GRIP1: variants seen among roughly 807,000 people sequenced by gnomAD.
GRIP1 encodes the protein glutamate receptor-interacting protein 1.
GRIP1 carries 45 observed loss-of-function variants against 129.9 expected under a neutral mutation model. The observed-to-expected ratio is 0.35, with a 90% CI of 0.27 to 0.44. The LOEUF (loss-of-function observed/expected upper bound fraction) is 0.44. Ranked by LOEUF, GRIP1 falls within the 20% of genes least tolerant of loss-of-function variation. GRIP1 has a pLI of 1.00. For missense variants in GRIP1, 1,196 were observed against 1,396.8 expected (o/e 0.86, Z 2.29); for synonymous variants, 530 against 520.8 (o/e 1.02, Z -0.24).
chr12:66,692,097 A>G (rs990849813), intron 1 of GRIP1, among the ~76,000 whole-genome samples: 3 of 152,126 alleles, frequency 2.0e-5, no homozygotes, highest in African/African-American at 7.2e-5. Context: ...TCCATTATCA[A>G]TCTCTCAGCA....
At position 66,539,081 on chromosome 12, in the gene GRIP1, C is replaced by T. The variant is rs772475563; in HGVS notation, c.415G>A (p.Val139Ile). The change falls in exon 4 of 25, where the codon GTC (valine) becomes ATC (isoleucine). Residue 139 changes from valine (V) to isoleucine (I), a missense_variant. Physicochemically the swap from Val to Ile is conservative, Grantham distance 29 (BLOSUM62 3). Transcript: ENST00000359742. The stretch of plus-strand genomic sequence containing the variant: ...TAAGGGGGGCTACTGTACTTACAGA[C>T]CGGTGGAAGCTCGTACTCTACTTCA... ...VLEVEYELPPVSVQGSSVIFR... is the reference protein window; with the variant it reads ...VLEVEYELPPISVQGSSVIFR... 3.7e-5 allele frequency: 59 copies of T among 1,613,518 alleles called. No individual in the cohort carries two copies. The highest frequency in any genetic ancestry group is 5.0e-5 in the Non-Finnish European group (59 of 1,179,624).
At chr12:66,461,192 C>G (rs988032141) in intron 9 of GRIP1, among the ~76,000 whole-genome samples, 1 of 122,898 alleles carries the variant, frequency 8.1e-6, no homozygotes, top group African/African-American at 3.5e-5. Context: ...GTTGAAAACA[C>G]TTGAATTATT....
chr12:66,582,105 G>T (rs1320423950), intron 2 of GRIP1, among the ~76,000 whole-genome samples: 1 of 151,984 alleles, frequency 6.6e-6, no homozygotes, highest in African/African-American at 2.4e-5. Flanking sequence ...TTCAATATAT[G>T]CAAATCAATA....
chr12:66,398,051 AG>A (rs1219525811), intron 16 of GRIP1, among the ~76,000 whole-genome samples: 2 of 152,082 alleles, frequency 1.3e-5, no homozygotes, highest in Non-Finnish European at 2.9e-5. Context: ...CAAGCTCTCC[AG>A]GGCATCCCAC....
At chr12:66,517,474 A>G (rs1050220402) in intron 6 of GRIP1, among the ~76,000 whole-genome samples, 1 of 152,088 alleles carries the variant, frequency 6.6e-6, no homozygotes, top group African/African-American at 2.4e-5. Flanking sequence ...TAAGAATCTC[A>G]CCACCACCAC....
At chr12:66,679,123 G>A, upstream of GRIP1, 1 of 1,453,476 alleles carries the variant, frequency 6.9e-7, no homozygotes, top group Admixed American at 2.4e-5. Flanking sequence ...GCCTGCCACA[G>A]CCTCCTCCCC....
chr12:67,068,173 C>G lies in GRIP1; in HGVS notation c.58+877G>C, dbSNP rs148666393. ...TGAACTCCCTGGCCAACCTCTGCACCATCCAAACACCATGAAATGACCTCA... is the reference window on the plus strand; with the variant it reads ...TGAACTCCCTGGCCAACCTCTGCACGATCCAAACACCATGAAATGACCTCA... On this transcript the variant is annotated intron_variant, in intron 1 of 1. Transcript: ENST00000643019. 1.2e-3 allele frequency among the ~76,000 whole-genome samples: 186 copies of G among 152,252 alleles called. 1 individual carries two copies. The highest frequency in any genetic ancestry group is 4.2e-3 in the African/African-American group (176 of 41,548).
At chr12:66,350,217 G>T (rs1255840579) in intron 24 of GRIP1, among the ~76,000 whole-genome samples, 2 of 151,358 alleles carry the variant, frequency 1.3e-5, no homozygotes, top group Non-Finnish European at 2.9e-5. Flanking sequence ...GGTTATTGTG[G>T]CCAGGTGCAG....
Position 66,377,280 on chromosome 12 carries a change from G to A in GRIP1, c.2627C>T (p.Ala876Val). Residue 876 changes from alanine to valine, a missense_variant, in exon 21 of 25, where the codon GCA becomes GTA. Coordinates refer to ENST00000359742, the MANE Select transcript of GRIP1 (RefSeq NM_001366722.1). ...DWDRSTASGF[A>V]GAADSAETEQ... Reference sequence around the variant, plus strand: ...TGTCTCTGCACTATCGGCAGCCCCTGCAAAACTGTTGTCAAGAAACACAGG... The same window carrying A: ...TGTCTCTGCACTATCGGCAGCCCCTACAAAACTGTTGTCAAGAAACACAGG... The A allele has an allele frequency of 6.2e-7, 1 of 1,603,540 alleles. No individual in the cohort carries two copies. Among genetic ancestry groups the A allele is most frequent in the Non-Finnish European group, 8.5e-7 (1 of 1,170,664 alleles).
chr12:66,435,370 T>A (rs1356495672), intron 13 of GRIP1, among the ~76,000 whole-genome samples: 1 of 152,044 alleles, frequency 6.6e-6, no homozygotes, highest in Non-Finnish European at 1.5e-5. Flanking sequence ...GCCCAGCTAA[T>A]TTTTGTATTT....
intron 1 of GRIP1, among the ~76,000 whole-genome samples, chr12:66,802,943 G>C (rs958736276): frequency 6.6e-6 from 1 of 152,118 alleles, no homozygotes; most frequent in African/African-American, 2.4e-5. Context: ...AAGCAATACA[G>C]CCACATTATT....
At chr12:66,981,800 C>T (rs1386139394) in intron 1 of GRIP1, among the ~76,000 whole-genome samples, 2 of 152,206 alleles carry the variant, frequency 1.3e-5, no homozygotes, top group Non-Finnish European at 2.9e-5. Flanking sequence ...CTCAGCTTTG[C>T]TGTACATGAG....
intron 1 of GRIP1, among the ~76,000 whole-genome samples, chr12:66,935,194 T>C (rs1295857539): frequency 6.6e-6 from 1 of 152,188 alleles, no homozygotes; most frequent in African/African-American, 2.4e-5. Flanking sequence ...ATTCCTATAA[T>C]AAAATTTATA....
At position 66,924,449 on chromosome 12, in the gene GRIP1, C is replaced by G. The variant is rs558108937; in HGVS notation, c.58+144601G>C. On this transcript the variant is annotated intron_variant, in intron 1 of 1. Coordinates refer to the GRIP1 transcript ENST00000643019. Reference sequence around the variant, plus strand: ...GACAGAGATGTGTCTGTGCAACTTCCTTAGAGTCACATCATTAGCTGAAAG... The same window carrying G: ...GACAGAGATGTGTCTGTGCAACTTCGTTAGAGTCACATCATTAGCTGAAAG... Among the ~76,000 whole-genome samples, 32 of 152,262 alleles carry G rather than the reference C, an allele frequency of 2.1e-4. 1 individual carries two copies. In the East Asian group the frequency reaches 5.2e-3, roughly 25 times the overall value.
At chr12:66,665,205 G>T (rs2033728710) in intron 1 of GRIP1, among the ~76,000 whole-genome samples, 1 of 152,058 alleles carries the variant, frequency 6.6e-6, no homozygotes, top group Non-Finnish European at 1.5e-5. Flanking sequence ...ACAAGGTCTT[G>T]CCATGTTGCC....
At chr12:66,541,701 C>T (rs12319336) in intron 3 of GRIP1, 114 bp downstream of exon 3, 2 of 1,112,480 alleles carry the variant, frequency 1.8e-6, no homozygotes, top group Admixed American at 3.4e-5. Context: ...CCTGTGCTGC[C>T]TGGCAGATGG....
intron 1 of GRIP1, among the ~76,000 whole-genome samples, chr12:66,945,799 G>A (rs1228063560): frequency 6.6e-6 from 1 of 152,190 alleles, no homozygotes; most frequent in Non-Finnish European, 1.5e-5. Context: ...CTTTAAAGGA[G>A]AAGTTTGGCT....
At chr12:66,929,855 A>G (rs1165158259) in intron 1 of GRIP1, among the ~76,000 whole-genome samples, 1 of 152,032 alleles carries the variant, frequency 6.6e-6, no homozygotes, top group Non-Finnish European at 1.5e-5. Context: ...TCCTTATCTC[A>G]GTGCCTTTTT....
chr12:66,669,537 G>A (rs1419268243), intron 1 of GRIP1, among the ~76,000 whole-genome samples: 2 of 152,196 alleles, frequency 1.3e-5, no homozygotes, highest in Admixed American at 6.5e-5. Context: ...TTCATAGTCT[G>A]ATGGTTGTAT....
Sources: allele counts gnomAD v4.1 joint callset (sites outside exome capture counted in the v4.1 genomes callset), GRCh38; gene constraint gnomAD v4.1.1; transcripts MANE v1.5; gene names NCBI Gene and HGNC (gene_info 2026-07-23, HGNC 2026-07-21).